NAV2: variants seen among roughly 807,000 people sequenced by gnomAD.
NAV2 encodes neuron navigator 2, also known as helicase, APC down-regulated 1.
A neutral mutation model predicts 223.2 loss-of-function variants in NAV2; 54 were observed. That is an observed-to-expected ratio of 0.24 (90% CI 0.19 to 0.30). The LOEUF (loss-of-function observed/expected upper bound fraction) is 0.30, where lower values mean the gene tolerates loss of function less well. Ranked by LOEUF, NAV2 falls within the 10% of genes least tolerant of loss-of-function variation. The probability of loss-of-function intolerance (pLI) is 1.00; values close to 1 mark genes in which losing one functional copy is unlikely to be tolerated. For missense variants in NAV2, 2,806 were observed against 3,147.5 expected (o/e 0.89, Z 2.60); for synonymous variants, 1,279 against 1,239.3 (o/e 1.03, Z -0.67).
At chr11:19,553,665 A>G (rs2044765554) in intron 1 of NAV2, among the ~76,000 whole-genome samples, 1 of 152,254 alleles carries the variant, frequency 6.6e-6, no homozygotes, top group African/African-American at 2.4e-5. Flanking sequence ...TGTTTGTAAC[A>G]AACTGATGTA....
chr11:19,847,789 A>T (rs1283413504), intron 3 of NAV2, among the ~76,000 whole-genome samples: 1 of 152,166 alleles, frequency 6.6e-6, no homozygotes, highest in Non-Finnish European at 1.5e-5. Flanking sequence ...ATGTCCCCTT[A>T]GTTCATCCTC....
intron 1 of NAV2, among the ~76,000 whole-genome samples, chr11:19,487,030 G>T (rs2042466611): frequency 6.6e-6 from 1 of 152,060 alleles, no homozygotes; most frequent in Non-Finnish European, 1.5e-5. Context: ...GAGGCTCTGG[G>T]GCTAAAGACC....
chr11:19,663,066 C>A (rs1419976221), intron 1 of NAV2, among the ~76,000 whole-genome samples: 2 of 151,454 alleles, frequency 1.3e-5, no homozygotes, highest in Non-Finnish European at 2.9e-5. Context: ...TGTTTACTGA[C>A]CCTTTCCCCC....
chr11:19,861,568 A>G (rs988296696), intron 3 of NAV2, among the ~76,000 whole-genome samples: 1 of 152,228 alleles, frequency 6.6e-6, no homozygotes, highest in Non-Finnish European at 1.5e-5. Context: ...TATAATGACC[A>G]TTTTATAGAT....
intron 1 of NAV2, among the ~76,000 whole-genome samples, chr11:19,490,544 T>C (rs1442686097): frequency 6.6e-6 from 1 of 152,232 alleles, no homozygotes; most frequent in East Asian, 1.9e-4. Context: ...CTCATTCATT[T>C]AAGTTTATTG....
chr11:20,009,656 C>T (rs912580295), intron 11 of NAV2, among the ~76,000 whole-genome samples: 5 of 152,150 alleles, frequency 3.3e-5, no homozygotes, highest in African/African-American at 9.7e-5. Context: ...TCCGATCCCC[C>T]TTGGATAAAG....
rs542377307 is a variant in NAV2, at chr11:19,823,258, A to G, written c.268-9226A>G. Among the ~76,000 whole-genome samples, 244 of 152,162 alleles carry G rather than the reference A, an allele frequency of 1.6e-3. 1 individual carries two copies. The highest frequency in any genetic ancestry group is 2.2e-3 in the Non-Finnish European group (149 of 68,014). On this transcript the variant is annotated intron_variant, in intron 1 of 37. Coordinates refer to ENST00000349880, the MANE Select transcript of NAV2 (RefSeq NM_145117.5). ...TTTTCACTTTTGTCGCTCAGGCTGG[A>G]GTGCAATGGCGTGTTCTTGGCTCAC...
At chr11:19,878,218 T>C (rs1482380155) in intron 4 of NAV2, among the ~76,000 whole-genome samples, 2 of 152,330 alleles carry the variant, frequency 1.3e-5, no homozygotes, top group South Asian at 2.1e-4. Context: ...AGAAGCGTCA[T>C]AGTTAGCACA....
intron 24 of NAV2, among the ~76,000 whole-genome samples, chr11:20,079,220 T>G (rs562135843): frequency 1.3e-5 from 2 of 152,308 alleles, no homozygotes; most frequent in East Asian, 3.9e-4. Context: ...TTTGTATTTT[T>G]AGTAGAGACA....
intron 1 of NAV2, among the ~76,000 whole-genome samples, chr11:19,469,165 C>T (rs1229381961): frequency 6.6e-6 from 1 of 152,204 alleles, no homozygotes; most frequent in African/African-American, 2.4e-5. Flanking sequence ...AAGTTTCTTT[C>T]CAAGGAACCC....
rs1232443527 is a variant in NAV2, at chr11:19,998,182, C to T, written c.2768+13935C>T. On this transcript the variant is annotated intron_variant, in intron 11 of 37. Coordinates refer to ENST00000349880, the MANE Select transcript of NAV2 (RefSeq NM_145117.5). This position sits in a 1 kb window ranked among gnomAD's most constrained non-coding sequence, Gnocchi z 5.0. The stretch of plus-strand genomic sequence containing the variant: ...AAGACTGACTGAAGAGTTTTCCTCC[C>T]CCTTTTCCTTCCAGTCGGCAAACTC... 2.0e-5 allele frequency among the ~76,000 whole-genome samples: 3 copies of T among 152,004 alleles called. No homozygotes were observed. Among genetic ancestry groups the T allele is most frequent in the Non-Finnish European group, 4.4e-5 (3 of 68,000 alleles).
intron 1 of NAV2, among the ~76,000 whole-genome samples, chr11:19,617,234 T>A (rs945458250): frequency 2.0e-5 from 3 of 152,126 alleles, no homozygotes; most frequent in African/African-American, 7.2e-5. Context: ...TTGAAAATGG[T>A]TTCTTTTAGC....
intron 20 of NAV2, among the ~76,000 whole-genome samples, chr11:20,063,116 C>T (rs990187750): frequency 2.0e-5 from 3 of 152,218 alleles, no homozygotes; most frequent in African/African-American, 7.2e-5. Flanking sequence ...TAGACAAGGA[C>T]ATTTTTGTTT....
chr11:19,827,393 G>A (rs1008140020), intron 1 of NAV2, among the ~76,000 whole-genome samples: 6 of 152,172 alleles, frequency 3.9e-5, no homozygotes, highest in African/African-American at 1.2e-4. Context: ...TACCTGTCCC[G>A]AGGTTGTTGA....
intron 1 of NAV2, among the ~76,000 whole-genome samples, chr11:19,684,024 C>T (rs1057495301): frequency 2.0e-5 from 3 of 152,084 alleles, no homozygotes; most frequent in Non-Finnish European, 2.9e-5. Context: ...TTGAGGTGAA[C>T]AATCCATGTA....
intron 1 of NAV2, among the ~76,000 whole-genome samples, chr11:19,595,734 AT>A (rs967014865): frequency 2.3e-4 from 13 of 55,480 alleles, no homozygotes; most frequent in South Asian, 7.7e-4. Context: ...AAAAAAAAAA[AT>A]TTTTTTTTTA....
At chr11:19,841,391 T>C (rs1057200141) in intron 2 of NAV2, among the ~76,000 whole-genome samples, 5 of 152,222 alleles carry the variant, frequency 3.3e-5, no homozygotes, top group African/African-American at 1.2e-4. Context: ...TTTGATTCTA[T>C]TATCTTTTTC....
rs567365566 is a variant in NAV2 at position 19,998,537 on chromosome 11, C to T, written c.2768+14290C>T. On this transcript the variant is annotated intron_variant, in intron 11 of 37. Coordinates refer to ENST00000349880, the MANE Select transcript of NAV2 (RefSeq NM_145117.5). The surrounding 1 kb of genome is among the most constrained non-coding windows in gnomAD (Gnocchi z 5.0). ...CTAGAATAAAGGTCAGACTCCTTGC[C>T]GTGGCCTCCAAGGGGGTGTGTGTTC... is the stretch of plus-strand genomic sequence containing the variant. 4.6e-5 allele frequency among the ~76,000 whole-genome samples: 7 copies of T among 152,252 alleles called. 1 individual carries two copies. The highest frequency in any genetic ancestry group is 4.1e-4 in the South Asian group (2 of 4,822).
At position 19,933,879 on chromosome 11, in the gene NAV2, A is replaced by AG. The variant is rs2045608912; in HGVS notation, c.1641dup (p.Lys548GlufsTer137). 1 of 1,599,820 alleles carries AG rather than the reference A, an allele frequency of 6.3e-7. No homozygotes were observed. The highest frequency in any genetic ancestry group is 1.1e-5 in the South Asian group (1 of 89,038). On this transcript the variant is annotated frameshift_variant, in exon 7 of 38. Transcript: ENST00000349880. LOFTEE classifies it high-confidence loss of function. The surrounding 1 kb of genome is among the most constrained non-coding windows in gnomAD (Gnocchi z 4.3). The stretch of plus-strand genomic sequence containing the variant: ...CCAAGATTGCCAGCTTCATCCCCAA[A>AG]GGGGGGAAGCTCAACAGTGCCAAGA...
Sources: allele counts gnomAD v4.1 joint callset (sites outside exome capture counted in the v4.1 genomes callset), GRCh38; gene constraint gnomAD v4.1.1; non-coding constraint Gnocchi (gnomAD v3.1); transcripts MANE v1.5; gene names NCBI Gene and HGNC (gene_info 2026-07-23, HGNC 2026-07-21).